PTPRD: variants seen among roughly 807,000 people sequenced by gnomAD.
The protein encoded by PTPRD is receptor-type tyrosine-protein phosphatase delta.
PTPRD carries 34 observed loss-of-function variants against 214.5 expected under a neutral mutation model. That is an observed-to-expected ratio of 0.16 (90% CI 0.12 to 0.21). The LOEUF is 0.21. PTPRD is among the 10% of genes least tolerant of loss of function. The probability of loss-of-function intolerance (pLI) is 1.00; values close to 1 mark genes in which losing one functional copy is unlikely to be tolerated. For synonymous variants in PTPRD, 1,128 were observed against 845.7 expected (o/e 1.33, Z -5.79); for missense variants, 2,545 against 2,398.7 (o/e 1.06, Z -1.27).
At chr9:8,679,981 T>A (rs1196748534) in intron 12 of PTPRD, among the ~76,000 whole-genome samples, 1 of 152,216 alleles carries the variant, frequency 6.6e-6, no homozygotes, top group Non-Finnish European at 1.5e-5. Flanking sequence ...AGCAAATTAA[T>A]CTCATTAAAA....
chr9:9,773,662 A>C (rs1223426903), intron 5 of PTPRD, among the ~76,000 whole-genome samples: 2 of 152,230 alleles, frequency 1.3e-5, no homozygotes, highest in African/African-American at 4.8e-5. Context: ...GTGAGAGTTT[A>C]GCAAATTCAT....
At chr9:8,926,433 C>G (rs114846755) in intron 11 of PTPRD, among the ~76,000 whole-genome samples, 1 of 152,048 alleles carries the variant, frequency 6.6e-6, no homozygotes, top group Non-Finnish European at 1.5e-5. Context: ...AATTTTATCT[C>G]GTAGAGTTTT....
chr9:9,383,435 A>G (rs1004608860), intron 9 of PTPRD, among the ~76,000 whole-genome samples: 4 of 152,174 alleles, frequency 2.6e-5, no homozygotes, highest in Non-Finnish European at 4.4e-5. Context: ...TGATTTACAA[A>G]GTACTAACTG....
chr9:10,350,849 A>G (rs1195030013), intron 2 of PTPRD, among the ~76,000 whole-genome samples: 1 of 152,218 alleles, frequency 6.6e-6, no homozygotes, highest in Non-Finnish European at 1.5e-5. Context: ...ACAGCTATGA[A>G]CAAAGAGACA....
intron 11 of PTPRD, among the ~76,000 whole-genome samples, chr9:8,880,664 A>G (rs1344874545): frequency 6.6e-6 from 1 of 152,100 alleles, no homozygotes; most frequent in African/African-American, 2.4e-5. Flanking sequence ...CTCATCTTAG[A>G]GCATGAGCAA....
At chr9:9,119,671 G>C (rs552337219) in intron 10 of PTPRD, among the ~76,000 whole-genome samples, 2 of 151,744 alleles carry the variant, frequency 1.3e-5, no homozygotes, top group Non-Finnish European at 2.9e-5. Context: ...CTACAGGCGC[G>C]TGCCACCACA....
chr9:8,485,714 G>A, intron 28 of PTPRD, 48 bp downstream of exon 28: 1 of 1,474,242 alleles, frequency 6.8e-7, no homozygotes, highest in Non-Finnish European at 9.2e-7. Flanking sequence ...GATTTCCAAA[G>A]ACTGACAATC....
At chr9:10,516,934 G>T (rs1321269380) in intron 2 of PTPRD, among the ~76,000 whole-genome samples, 2 of 151,756 alleles carry the variant, frequency 1.3e-5, no homozygotes, top group African/African-American at 2.4e-5. Context: ...TGGCCTATAT[G>T]TGTCTTTATG....
At chr9:9,894,178 C>A (rs530659418) in intron 5 of PTPRD, among the ~76,000 whole-genome samples, 32 of 152,160 alleles carry the variant, frequency 2.1e-4, no homozygotes, top group Non-Finnish European at 3.7e-4. Context: ...TCTATCATTT[C>A]TCCCCTAAAC....
At chr9:10,588,033 T>C (rs553662599) in intron 2 of PTPRD, among the ~76,000 whole-genome samples, 15 of 152,200 alleles carry the variant, frequency 9.9e-5, no homozygotes, top group African/African-American at 3.6e-4. Context: ...TAATTGATCA[T>C]AGAAGACAAT....
At chr9:8,589,982 A>G (rs892086007) in intron 14 of PTPRD, among the ~76,000 whole-genome samples, 18 of 152,160 alleles carry the variant, frequency 1.2e-4, no homozygotes, top group African/African-American at 2.2e-4. Flanking sequence ...GTCAACTAAT[A>G]ATGACTGAAC....
chr9:10,387,818 G>GTTT (rs1454360287), intron 2 of PTPRD, among the ~76,000 whole-genome samples: 1 of 80,598 alleles, frequency 1.2e-5, no homozygotes, highest in Non-Finnish European at 2.5e-5. Flanking sequence ...AAAAGATTTT[G>GTTT]TCTTTTTTTT....
At chr9:9,081,804 A>G (rs1396975988) in intron 10 of PTPRD, among the ~76,000 whole-genome samples, 2 of 148,460 alleles carry the variant, frequency 1.3e-5, no homozygotes, top group East Asian at 3.9e-4. Context: ...TTTATCAGAG[A>G]CTAGGATTGC....
intron 5 of PTPRD, among the ~76,000 whole-genome samples, chr9:9,791,008 G>C (rs185511508): frequency 6.6e-6 from 1 of 152,066 alleles, no homozygotes; most frequent in Non-Finnish European, 1.5e-5. Context: ...ACCAGAAAAC[G>C]TAATAGATAA....
intron 10 of PTPRD, among the ~76,000 whole-genome samples, chr9:9,122,857 C>A (rs1299097361): frequency 6.6e-6 from 1 of 152,138 alleles, no homozygotes; most frequent in Non-Finnish European, 1.5e-5. Flanking sequence ...AAACCCAATC[C>A]CATTTCCAGT....
intron 3 of PTPRD, among the ~76,000 whole-genome samples, chr9:10,318,974 A>G (rs1048124056): frequency 2.0e-5 from 3 of 152,050 alleles, no homozygotes; most frequent in Non-Finnish European, 2.9e-5. Flanking sequence ...GGAAACAAAA[A>G]CATGTTGTTG....
chr9:9,725,314 CTT>C lies in PTPRD; in HGVS notation c.-287+9217_-287+9218del, dbSNP rs34712287. Reference sequence around the variant, plus strand: ...AAAAATGGGAGTTTCCCTGCACAAGCTTTTTTTTTTTTTGCCTGCTGCCATCC... The same window carrying C: ...AAAAATGGGAGTTTCCCTGCACAAGCTTTTTTTTTTTGCCTGCTGCCATCC... On this transcript the variant is annotated intron_variant, in intron 7 of 45. Coordinates refer to ENST00000381196, the MANE Select transcript of PTPRD (RefSeq NM_002839.4). Among the ~76,000 whole-genome samples the C allele has an allele frequency of 7.0e-3, 1,010 of 145,164 alleles. 11 individuals carry two copies. Among genetic ancestry groups the C allele is most frequent in the African/African-American group, 0.02 (797 of 39,284 alleles).
At chr9:9,956,291 A>C (rs1013320699) in intron 4 of PTPRD, among the ~76,000 whole-genome samples, 1 of 151,950 alleles carries the variant, frequency 6.6e-6, no homozygotes, top group African/African-American at 2.4e-5. Context: ...AAAAAAAAAA[A>C]AAAAAACTCT....
intron 11 of PTPRD, among the ~76,000 whole-genome samples, chr9:8,966,814 C>T (rs10977410): frequency 0.16 from 24,156 of 151,982 alleles, 2,055 homozygotes; most frequent in South Asian, 0.21. Context: ...ACAGAGTAAA[C>T]AGACAACCTA....
Sources: allele counts gnomAD v4.1 joint callset (sites outside exome capture counted in the v4.1 genomes callset), GRCh38; gene constraint gnomAD v4.1.1; transcripts MANE v1.5; gene names NCBI Gene and HGNC (gene_info 2026-07-23, HGNC 2026-07-21).